IL17F: variants seen among roughly 807,000 people sequenced by gnomAD.
IL17F encodes interleukin 17F.
IL17F carries 6 observed loss-of-function variants against 8.3 expected under a neutral mutation model. The ratio of observed to expected loss-of-function variants is 0.73; its 90% confidence interval spans 0.40 to 1.43. The LOEUF is 1.43. Ranked by LOEUF, IL17F falls within the 40% of genes most tolerant of loss-of-function variation. IL17F has a pLI of 0.02. For synonymous variants in IL17F, 98 were observed against 81.6 expected (o/e 1.20, Z -1.08); for missense variants, 204 against 209.6 (o/e 0.97, Z 0.17).
intron 1 of IL17F, among the ~76,000 whole-genome samples, chr6:52,240,838 T>C (rs1342845358): frequency 1.3e-5 from 2 of 151,616 alleles, no homozygotes; most frequent in Non-Finnish European, 2.9e-5. Flanking sequence ...AAGTCCAGGG[T>C]CTGTAACTCA....
chr6:52,243,130 A>C (rs1764100937), intron 1 of IL17F, among the ~76,000 whole-genome samples: 1 of 152,240 alleles, frequency 6.6e-6, no homozygotes, highest in Non-Finnish European at 1.5e-5. Flanking sequence ...TAATCTTTAA[A>C]ATAACACATA....
chr6:52,236,845 A>C lies in IL17F; in HGVS notation c.*86T>G. 3 of 1,000,610 alleles carry C rather than the reference A, an allele frequency of 3.0e-6. No individual in the cohort carries two copies. Among genetic ancestry groups the C allele is most frequent in the Non-Finnish European group, 4.8e-6 (3 of 622,106 alleles). The allele number at this position is 1,000,610 out of a possible 1,614,324, so 62.0% of individuals were successfully genotyped here. ...TTAAGAGTCCTGTGAAGTGGAGGGA[A>C]TTGGGGGTCAGACAGGACTTGTTGC... On this transcript the variant is annotated 3_prime_UTR_variant, in exon 3 of 3. Transcript: ENST00000336123.
At chr6:52,243,777 C>G (rs562112951) in intron 1 of IL17F, among the ~76,000 whole-genome samples, 60 of 152,000 alleles carry the variant, frequency 3.9e-4, no homozygotes, top group Non-Finnish European at 6.3e-4. Context: ...ATTTTTTTTT[C>G]TTTGAGACAG....
At position 52,244,419 on chromosome 6, in the gene IL17F, T is replaced by C. The variant is rs774716157; in HGVS notation, c.11A>G (p.Lys4Arg). The change falls in exon 1 of 3, where the codon AAG (lysine) becomes AGG (arginine). Residue 4 changes from lysine (K) to arginine (R), a missense_variant. Lys to Arg is a conservative substitution (Grantham distance 26). Coordinates refer to ENST00000336123, the MANE Select transcript of IL17F (RefSeq NM_052872.4). MTV[K>R]TLHGPAMVKY... ...CACCATGGCTGGGCCATGCAGGGTC[T>C]TCACTGTCATGTTGCGCTGGTGGCT... is the stretch of plus-strand genomic sequence containing the variant. The C allele has an allele frequency of 2.5e-5, 40 of 1,614,016 alleles. No homozygotes were observed. In the Admixed American group the frequency reaches 6.0e-4, roughly 24 times the overall value.
chr6:52,238,165 C>T (rs1764003378), intron 2 of IL17F, among the ~76,000 whole-genome samples: 1 of 152,204 alleles, frequency 6.6e-6, no homozygotes, highest in South Asian at 2.1e-4. Flanking sequence ...ACCCCAGAAG[C>T]ACTTCAATTG....
At chr6:52,240,345 G>A (rs1391477253) in intron 1 of IL17F, among the ~76,000 whole-genome samples, 1 of 150,384 alleles carries the variant, frequency 6.6e-6, no homozygotes, top group Admixed American at 6.6e-5. Context: ...GCTGAGGCAG[G>A]AGAATCCTTT....
At chr6:52,244,017 T>G (rs895688789) in intron 1 of IL17F, among the ~76,000 whole-genome samples, 4 of 151,936 alleles carry the variant, frequency 2.6e-5, no homozygotes, top group African/African-American at 9.7e-5. Flanking sequence ...CCTCAGCCTC[T>G]CAAAGTGCTG....
chr6:52,244,420 T>C lies in IL17F; in HGVS notation c.10A>G (p.Lys4Glu). The change falls in exon 1 of 3, where the codon AAG becomes GAG. Residue 4 changes from lysine to glutamate, a missense_variant. Coordinates refer to ENST00000336123, the MANE Select transcript of IL17F (RefSeq NM_052872.4). The stretch of plus-strand genomic sequence containing the variant: ...ACCATGGCTGGGCCATGCAGGGTCT[T>C]CACTGTCATGTTGCGCTGGTGGCTT... MTV[K>E]TLHGPAMVKY... The C allele has an allele frequency of 6.2e-7, 1 of 1,614,090 alleles. No individual in the cohort carries two copies. The highest frequency in any genetic ancestry group is 8.5e-7 in the Non-Finnish European group (1 of 1,179,958).
chr6:52,237,172 C>T lies in IL17F; in HGVS notation c.255-4G>A. On this transcript the variant is annotated splice_region_variant and splice_polypyrimidine_tract_variant and intron_variant, in intron 2 of 2. Coordinates refer to ENST00000336123, the MANE Select transcript of IL17F (RefSeq NM_052872.4). ...CCGGTTGGGGTCCCAAGTGACACTG[C>T]AGGAGGAGCAAGCCAAAGCACAATG... 1 of 1,610,428 alleles carries T rather than the reference C, an allele frequency of 6.2e-7. No homozygotes were observed. Among genetic ancestry groups the T allele is most frequent in the Non-Finnish European group, 8.5e-7 (1 of 1,176,936 alleles).
At chr6:52,237,796 C>T (rs780614768) in intron 2 of IL17F, among the ~76,000 whole-genome samples, 3 of 152,082 alleles carry the variant, frequency 2.0e-5, no homozygotes, top group African/African-American at 4.8e-5. Context: ...CCCTGAAGGA[C>T]GGGCAGTGAG....
intron 1 of IL17F, among the ~76,000 whole-genome samples, chr6:52,239,813 A>G (rs1432604434): frequency 6.6e-6 from 1 of 152,248 alleles, no homozygotes; most frequent in African/African-American, 2.4e-5. Context: ...CATTAAGAAA[A>G]ACATTACGCA....
chr6:52,236,814 G>T lies in IL17F; in HGVS notation c.*117C>A. The T allele has an allele frequency of 1.2e-6, 1 of 815,780 alleles. No homozygotes were observed. Among genetic ancestry groups the T allele is most frequent in the Non-Finnish European group, 2.2e-6 (1 of 455,138 alleles). 50.5% of individuals were successfully genotyped at this position (815,780 alleles called of 1,614,324 possible). On this transcript the variant is annotated 3_prime_UTR_variant, in exon 3 of 3. Coordinates refer to ENST00000336123, the MANE Select transcript of IL17F (RefSeq NM_052872.4). ...ATATTTTCTGTTTCCATCCGTGCAG[G>T]TCTTATTAAGAGTCCTGTGAAGTGG... is the stretch of plus-strand genomic sequence containing the variant.
chr6:52,240,472 G>A (rs1335919115), intron 1 of IL17F, among the ~76,000 whole-genome samples: 1 of 146,562 alleles, frequency 6.8e-6, no homozygotes, highest in African/African-American at 2.5e-5. Context: ...CTGAAAATAA[G>A]TTGCTTTTAT....
rs2128267377 is a variant in IL17F at position 52,236,988 on chromosome 6, C to A, written c.435G>T (p.Lys145Asn). ...QGCSVSFQLE[K>N]VLVTVGCTCV... ...AGGTGCAGCCAACAGTCACCAGCAC[C>A]TTCTCCAACTGGAAAGAAACAGAGC... The change falls in exon 3 of 3, where the codon AAG becomes AAT. Residue 145 changes from lysine (K) to asparagine (N), a missense_variant. By Grantham distance (94) the Lys-to-Asn change is moderately conservative. Coordinates refer to ENST00000336123, the MANE Select transcript of IL17F (RefSeq NM_052872.4). The A allele has an allele frequency of 6.2e-7, 1 of 1,614,208 alleles. No homozygotes were observed. Among genetic ancestry groups the A allele is most frequent in the Non-Finnish European group, 8.5e-7 (1 of 1,180,026 alleles).
chr6:52,239,623 C>A (rs2128268002), intron 1 of IL17F, among the ~76,000 whole-genome samples: 1 of 152,242 alleles, frequency 6.6e-6, no homozygotes, highest in South Asian at 2.1e-4. Flanking sequence ...AGCACTCAAG[C>A]AGCATTTTTT....
chr6:52,238,439 C>T (rs998709594), intron 2 of IL17F, among the ~76,000 whole-genome samples: 1 of 152,178 alleles, frequency 6.6e-6, no homozygotes, highest in Non-Finnish European at 1.5e-5. Context: ...CTTTAAAGAA[C>T]CCTCTCTTCC....
intron 2 of IL17F, among the ~76,000 whole-genome samples, chr6:52,237,976 G>C (rs1763998679): frequency 6.6e-6 from 1 of 152,226 alleles, no homozygotes; most frequent in Admixed American, 6.5e-5. Flanking sequence ...CGGATCTCTA[G>C]ATCTGTCCTG....
intron 1 of IL17F, among the ~76,000 whole-genome samples, chr6:52,242,708 C>G (rs758933772): frequency 1.2e-4 from 18 of 152,186 alleles, no homozygotes; most frequent in Non-Finnish European, 2.2e-4. Flanking sequence ...CTTAATTGAG[C>G]TTTTGTTCAT....
At position 52,238,862 on chromosome 6, in the gene IL17F, A is replaced by G. The variant is rs1764017098; in HGVS notation, c.122T>C (p.Phe41Ser). The G allele has an allele frequency of 2.5e-6, 4 of 1,613,906 alleles. No homozygotes were observed. The highest frequency in any genetic ancestry group is 1.1e-5 in the South Asian group (1 of 91,082). ...AGGCGGGCAACTCTCAGGCTTTTGG[A>G]AAAAAGTATGTCCTACTTTGGGGAT... The part of the protein sequence containing the change: ...RKIPKVGHTF[F>S]QKPESCPPVP... The change falls in exon 2 of 3, where the codon TTC becomes TCC. Residue 41 changes from phenylalanine to serine, a missense_variant. Physicochemically the swap from Phe to Ser is radical, Grantham distance 155. Transcript: ENST00000336123.
Sources: gnomAD v4.1 joint callset for allele counts (sites outside exome capture counted in the v4.1 genomes callset) on GRCh38, gnomAD v4.1.1 for gene constraint, MANE v1.5 for transcripts, NCBI Gene and HGNC (gene_info 2026-07-23, HGNC 2026-07-21) for gene names.